Variants in EYA2 observed in about 807,000 individuals in gnomAD.
EYA2 encodes the protein EYA transcriptional coactivator and phosphatase 2, also known as protein phosphatase EYA2.
Under a neutral mutation model 69.2 loss-of-function variants are expected in EYA2, and 31 were observed. The observed-to-expected ratio is 0.45, with a 90% CI of 0.34 to 0.60. The LOEUF is 0.60. Ranked by LOEUF, EYA2 falls within the 20% of genes least tolerant of loss-of-function variation. The pLI, the probability that EYA2 is intolerant of heterozygous loss-of-function variation, is 0.02. For missense variants in EYA2, 622 were observed against 701.2 expected (o/e 0.89, Z 1.28); for synonymous variants, 257 against 279.4 (o/e 0.92, Z 0.80).
chr20:47,136,320 C>T (rs2033470895), intron 9 of EYA2, among the ~76,000 whole-genome samples: 1 of 148,690 alleles, frequency 6.7e-6, no homozygotes, highest in Non-Finnish European at 1.5e-5. Flanking sequence ...TGCTTTACAT[C>T]AGATTAATTT....
intron 7 of EYA2, among the ~76,000 whole-genome samples, chr20:47,088,618 C>G (rs534582153): frequency 6.6e-6 from 1 of 152,106 alleles, no homozygotes. Flanking sequence ...GAAGAGGCCT[C>G]GCTCTGTTAT....
chr20:46,902,991 C>G (rs6018146), intron 1 of EYA2, among the ~76,000 whole-genome samples: 22 of 152,322 alleles, frequency 1.4e-4, no homozygotes, highest in East Asian at 1.2e-3. Flanking sequence ...TTTCGTATAC[C>G]ATTTCAATGA....
Position 47,181,081 on chromosome 20 carries a change from C to G in EYA2, c.1435+145C>G. The G allele has an allele frequency of 1.8e-6, 2 of 1,112,948 alleles. 1 individual carries two copies. Among genetic ancestry groups the G allele is most frequent in the South Asian group, 3.3e-5 (2 of 61,308 alleles). The allele number at this position is 1,112,948 out of a possible 1,614,324, so 68.9% of individuals were successfully genotyped here. On this transcript the variant is annotated intron_variant, in intron 14 of 15. Coordinates refer to ENST00000327619, the MANE Select transcript of EYA2 (RefSeq NM_005244.5). Reference sequence around the variant, plus strand: ...GCCATGACTCAGATTCCCAAAACAGCCCCCATAGACCACATGCCTTAACCT... The same window carrying G: ...GCCATGACTCAGATTCCCAAAACAGGCCCCATAGACCACATGCCTTAACCT...
chr20:47,051,679 T>C (rs762287884), intron 5 of EYA2, among the ~76,000 whole-genome samples: 2 of 152,186 alleles, frequency 1.3e-5, no homozygotes, highest in Non-Finnish European at 2.9e-5. Flanking sequence ...CCTATGACCA[T>C]GGGACACATT....
intron 1 of EYA2, among the ~76,000 whole-genome samples, chr20:46,955,034 T>A (rs1419614092): frequency 1.3e-5 from 2 of 152,148 alleles, no homozygotes; most frequent in Non-Finnish European, 2.9e-5. Flanking sequence ...GATTTCCTGG[T>A]GCTTGATGGG....
intron 1 of EYA2, among the ~76,000 whole-genome samples, chr20:46,980,878 G>A (rs2013869): frequency 0.45 from 68,608 of 152,050 alleles, 15,670 homozygotes; most frequent in African/African-American, 0.48. Flanking sequence ...TCCTTGGCTT[G>A]TTTCACTTAA....
chr20:47,089,137 G>A (rs1015648176), intron 7 of EYA2, 102 bp from the exon 8 acceptor site: 16 of 1,407,854 alleles, frequency 1.1e-5, no homozygotes, highest in Admixed American at 2.1e-5. Context: ...TGCTGCCTTG[G>A]AACCCACTGC....
intron 1 of EYA2, among the ~76,000 whole-genome samples, chr20:46,989,662 CT>C (rs780563034): frequency 1.0e-3 from 153 of 152,342 alleles, no homozygotes; most frequent in Non-Finnish European, 1.7e-3. Flanking sequence ...GCCTGTCTGT[CT>C]CTTTCTCAGC....
chr20:47,184,895 T>C (rs529595741), intron 15 of EYA2, among the ~76,000 whole-genome samples: 16 of 151,746 alleles, frequency 1.1e-4, no homozygotes, highest in African/African-American at 3.6e-4. Flanking sequence ...CAGGCAAGAG[T>C]AGAGTCAGCC....
intron 10 of EYA2, among the ~76,000 whole-genome samples, chr20:47,154,639 G>A (rs930737184): frequency 3.9e-5 from 6 of 152,038 alleles, no homozygotes; most frequent in East Asian, 3.9e-4. Context: ...GTGCAGTGCC[G>A]CAGACAGTGG....
At chr20:47,156,223 A>G (rs1373388616) in intron 10 of EYA2, among the ~76,000 whole-genome samples, 7 of 132,198 alleles carry the variant, frequency 5.3e-5, no homozygotes, top group African/African-American at 1.8e-4. Context: ...AGTCCCAGCT[A>G]CTCGGGAGGC....
intron 5 of EYA2, among the ~76,000 whole-genome samples, chr20:47,028,082 AAAAG>A (rs1372660279): frequency 1.3e-5 from 2 of 152,186 alleles, no homozygotes; most frequent in African/African-American, 2.4e-5. Context: ...TGTTCTTATA[AAAAG>A]AAAGAGAGAG....
At position 47,170,936 on chromosome 20, in the gene EYA2, T is replaced by C. The variant is rs74332286; in HGVS notation, c.1037+1739T>C. Among the ~76,000 whole-genome samples the C allele has an allele frequency of 1.9e-3, 284 of 152,364 alleles. 8 individuals carry two copies. In the East Asian group the frequency reaches 0.049, roughly 26 times the overall value. ...CTGTTCCTGAGCCCTGCAAGTCTTT[T>C]CAAAGCCCGGCACAATCGGAAGTGA... On this transcript the variant is annotated intron_variant, in intron 11 of 15. Transcript: ENST00000327619.
chr20:47,076,379 G>T (rs575456565), intron 7 of EYA2, among the ~76,000 whole-genome samples: 1 of 152,192 alleles, frequency 6.6e-6, no homozygotes, highest in South Asian at 2.1e-4. Context: ...GTTATTTTTT[G>T]ACTTTTTAAT....
At chr20:47,121,008 C>T (rs758939390) in intron 9 of EYA2, among the ~76,000 whole-genome samples, 3 of 152,078 alleles carry the variant, frequency 2.0e-5, no homozygotes, top group Non-Finnish European at 4.4e-5. Context: ...TAGCATTCTC[C>T]CCTGGAACCA....
chr20:47,107,522 T>G (rs2032618120), intron 9 of EYA2, among the ~76,000 whole-genome samples: 1 of 27,392 alleles, frequency 3.7e-5, no homozygotes, highest in African/African-American at 1.1e-4. Flanking sequence ...TGAGACTCTG[T>G]ATCAAAAAAA....
chr20:47,131,669 G>T (rs2033345796), intron 9 of EYA2, among the ~76,000 whole-genome samples: 1 of 152,138 alleles, frequency 6.6e-6, no homozygotes, highest in Non-Finnish European at 1.5e-5. Flanking sequence ...ATGAGGAAGG[G>T]GCCATGAGCC....
intron 5 of EYA2, among the ~76,000 whole-genome samples, chr20:47,067,323 G>A (rs903776637): frequency 6.6e-6 from 1 of 152,134 alleles, no homozygotes; most frequent in Non-Finnish European, 1.5e-5. Context: ...GACCTCGAAT[G>A]GAATAGACTG....
intron 7 of EYA2, among the ~76,000 whole-genome samples, chr20:47,086,804 T>C (rs2031907607): frequency 6.7e-6 from 1 of 149,996 alleles, no homozygotes; most frequent in Non-Finnish European, 1.5e-5. Context: ...CTGTTTGTTT[T>C]TTTGTTGTTT....
Sources: gnomAD v4.1 joint callset for allele counts (sites outside exome capture counted in the v4.1 genomes callset) on GRCh38, gnomAD v4.1.1 for gene constraint, MANE v1.5 for transcripts, NCBI Gene and HGNC (gene_info 2026-07-23, HGNC 2026-07-21) for gene names.